Variants in ARHGAP24 observed in about 807,000 individuals in gnomAD.
ARHGAP24 encodes the protein rho GTPase-activating protein 24.
In ARHGAP24, 50 loss-of-function variants were observed where a neutral mutation model predicts 76.4. That is an observed-to-expected ratio of 0.65 (90% confidence interval 0.52 to 0.83). ARHGAP24 has a LOEUF of 0.83. Ranked by LOEUF, ARHGAP24 falls within the 40% of genes least tolerant of loss-of-function variation. The pLI is 0.00. For missense variants in ARHGAP24, 930 were observed against 914.2 expected (o/e 1.02, Z -0.22); for synonymous variants, 345 against 323.3 (o/e 1.07, Z -0.72).
chr4:85,775,376 T>C (rs916988945), intron 3 of ARHGAP24, among the ~76,000 whole-genome samples: 1 of 152,090 alleles, frequency 6.6e-6, no homozygotes, highest in Non-Finnish European at 1.5e-5. Context: ...GACTGGGTAA[T>C]TTATAAAGAA....
chr4:85,643,856 A>G (rs1721621884), intron 2 of ARHGAP24, among the ~76,000 whole-genome samples: 1 of 152,166 alleles, frequency 6.6e-6, no homozygotes, highest in South Asian at 2.1e-4. Flanking sequence ...AGTGTCACTG[A>G]AAGCTGTGTG....
At chr4:85,791,714 G>C (rs1435210228) in intron 3 of ARHGAP24, among the ~76,000 whole-genome samples, 1 of 152,188 alleles carries the variant, frequency 6.6e-6, no homozygotes, top group Non-Finnish European at 1.5e-5. Flanking sequence ...TAAGGACTCT[G>C]CTGACCCACA....
intron 3 of ARHGAP24, among the ~76,000 whole-genome samples, chr4:85,746,947 C>T (rs1432449964): frequency 6.6e-6 from 1 of 152,106 alleles, no homozygotes; most frequent in East Asian, 1.9e-4. Context: ...GCCACCGCAC[C>T]CAGCCTGATT....
chr4:85,736,141 A>G (rs35341700), intron 3 of ARHGAP24, among the ~76,000 whole-genome samples: 23,652 of 152,146 alleles, frequency 0.16, 2,500 homozygotes, highest in East Asian at 0.55. Flanking sequence ...TGGTATGTCA[A>G]TTGCTGCTTC....
chr4:85,489,342 G>A (rs1386366408), intron 1 of ARHGAP24, among the ~76,000 whole-genome samples: 1 of 152,204 alleles, frequency 6.6e-6, no homozygotes, highest in Non-Finnish European at 1.5e-5. Flanking sequence ...TGAGAAACAG[G>A]GAGAGTTGTT....
intron 1 of ARHGAP24, among the ~76,000 whole-genome samples, chr4:85,559,827 C>T (rs1482402969): frequency 6.6e-6 from 1 of 152,160 alleles, no homozygotes; most frequent in Non-Finnish European, 1.5e-5. Context: ...GCCGTCTTCA[C>T]TTTCCATTAA....
chr4:85,810,117 GC>G, intron 3 of ARHGAP24, among the ~76,000 whole-genome samples: 1 of 152,182 alleles, frequency 6.6e-6, no homozygotes. Context: ...CTTAATAAAT[GC>G]TAGATGTTAC....
intron 2 of ARHGAP24, among the ~76,000 whole-genome samples, chr4:85,716,351 A>G (rs1309866095): frequency 3.9e-5 from 6 of 152,132 alleles, no homozygotes; most frequent in African/African-American, 1.4e-4. Context: ...CTGTCAAACT[A>G]TAAAAGATTT....
At position 85,898,687 on chromosome 4, in the gene ARHGAP24, A is replaced by T. The variant is rs190916248; in HGVS notation, c.269-24961A>T. Among the ~76,000 whole-genome samples, 257 of 152,296 alleles carry T rather than the reference A, an allele frequency of 1.7e-3. 2 individuals are homozygous for T. The highest frequency in any genetic ancestry group is 5.6e-3 in the African/African-American group (231 of 41,576). ...CCACTTCTCTTAAGAAAATAAAAAC[A>T]TCCCCAAATCAGTTATTGATTCCAA... On this transcript the variant is annotated intron_variant, in intron 3 of 9. Coordinates refer to ENST00000395184, the MANE Select transcript of ARHGAP24 (RefSeq NM_001025616.3).
intron 2 of ARHGAP24, among the ~76,000 whole-genome samples, chr4:85,572,874 CTTTTTTTT>C (rs775780758): frequency 2.4e-5 from 3 of 124,296 alleles, no homozygotes; most frequent in African/African-American, 6.4e-5. Context: ...TTTTTTCTTT[CTTTTTTTT>C]TTTTTTTTTT....
chr4:85,932,762 G>A (rs1736412385), intron 4 of ARHGAP24, among the ~76,000 whole-genome samples: 1 of 152,214 alleles, frequency 6.6e-6, no homozygotes, highest in Admixed American at 6.5e-5. Flanking sequence ...GGAGAAAGGA[G>A]AGGAGGTGCA....
intron 2 of ARHGAP24, among the ~76,000 whole-genome samples, chr4:85,582,457 TCAGACTGCTCC>T (rs1727653889): frequency 6.6e-6 from 1 of 152,122 alleles, no homozygotes; most frequent in Non-Finnish European, 1.5e-5. Flanking sequence ...ATATGGACAA[TCAGACTGCTCC>T]CTTTAAAGCC....
chr4:85,786,011 C>G (rs1015058436), intron 3 of ARHGAP24, among the ~76,000 whole-genome samples: 1 of 151,950 alleles, frequency 6.6e-6, no homozygotes, highest in Middle Eastern at 3.4e-3. Flanking sequence ...TGTAAAAGGA[C>G]TTAGGCTTTT....
chr4:85,801,754 G>A (rs564644742), intron 3 of ARHGAP24, among the ~76,000 whole-genome samples: 41 of 152,324 alleles, frequency 2.7e-4, no homozygotes, highest in Non-Finnish European at 4.7e-4. Context: ...GAAGTGAGCC[G>A]GCCATCTCAG....
At chr4:85,557,252 G>GTT (rs1553914385) in intron 1 of ARHGAP24, among the ~76,000 whole-genome samples, 35,449 of 152,050 alleles carry the variant, frequency 0.23, 6,003 homozygotes, top group East Asian at 0.79. Flanking sequence ...TCACTGCTCA[G>GTT]CTGTGGATTT....
chr4:85,761,575 C>A (rs1277055329), intron 3 of ARHGAP24, among the ~76,000 whole-genome samples: 2 of 152,136 alleles, frequency 1.3e-5, no homozygotes, highest in South Asian at 4.1e-4. Flanking sequence ...GGAAATCTGA[C>A]TAGATTGGTG....
intron 1 of ARHGAP24, among the ~76,000 whole-genome samples, chr4:85,523,062 C>T (rs891024419): frequency 3.3e-5 from 5 of 152,268 alleles, no homozygotes; most frequent in African/African-American, 9.6e-5. Context: ...CAGTCTTGGA[C>T]GTGGTAGAGT....
chr4:85,520,008 G>A (rs564583631), intron 1 of ARHGAP24, among the ~76,000 whole-genome samples: 6 of 152,198 alleles, frequency 3.9e-5, no homozygotes, highest in African/African-American at 1.4e-4. Context: ...TTACTTTAGT[G>A]ATGATTTAAA....
At chr4:85,948,210 A>T (rs1319395643) in intron 5 of ARHGAP24, among the ~76,000 whole-genome samples, 2 of 152,174 alleles carry the variant, frequency 1.3e-5, no homozygotes, top group East Asian at 3.8e-4. Context: ...CCCATCCACA[A>T]CATAAAAACA....
Sources: gnomAD v4.1 joint callset for allele counts (sites outside exome capture counted in the v4.1 genomes callset) on GRCh38, gnomAD v4.1.1 for gene constraint, MANE v1.5 for transcripts, NCBI Gene and HGNC (gene_info 2026-07-23, HGNC 2026-07-21) for gene names.